ZC3HAV1: variants seen among roughly 807,000 people sequenced by gnomAD.
The protein encoded by ZC3HAV1 is zinc finger CCCH-type antiviral protein 1.
In ZC3HAV1, 41 loss-of-function variants were observed where a neutral mutation model predicts 86.6. The observed-to-expected ratio is 0.47, with a 90% CI of 0.37 to 0.61. The LOEUF (loss-of-function observed/expected upper bound fraction) is 0.61, where lower values mean the gene tolerates loss of function less well. ZC3HAV1 is among the 20% of genes least tolerant of loss of function. The pLI is 0.00. For missense variants in ZC3HAV1, 964 were observed against 1,141.1 expected, an observed-to-expected ratio of 0.84 and a Z score of 2.24; for synonymous variants, 421 against 432.1, an observed-to-expected ratio of 0.97 and a Z score of 0.32.
rs1319891966 is a variant in ZC3HAV1 at position 139,109,158 on chromosome 7, G to A, written c.174C>T (p.Ala58=). 6.3e-7 allele frequency: 1 copy of A among 1,595,540 alleles called. No homozygotes were observed. Among genetic ancestry groups the A allele is most frequent in the Non-Finnish European group, 8.5e-7 (1 of 1,171,352 alleles). ...RFVVLETGGE[A]GITRSVVATT... is the part of the protein sequence containing the mutation. The stretch of plus-strand genomic sequence containing the variant: ...TGGCCACCACCGATCGGGTGATCCC[G>A]GCCTCGCCGCCGGTCTCCAACACCA... The change falls in exon 1 of 13, where the codon GCC becomes GCT. Residue 58 remains alanine, a synonymous_variant. Coordinates refer to ENST00000242351, the MANE Select transcript of ZC3HAV1 (RefSeq NM_020119.4).
chr7:139,072,225 A>G (rs1816794878), intron 7 of ZC3HAV1, among the ~76,000 whole-genome samples: 1 of 151,256 alleles, frequency 6.6e-6, no homozygotes, highest in Non-Finnish European at 1.5e-5. Flanking sequence ...CACTTTTGTC[A>G]CCCAGACTGG....
At chr7:139,056,169 G>C (rs544517511) in intron 9 of ZC3HAV1, among the ~76,000 whole-genome samples, 4 of 152,142 alleles carry the variant, frequency 2.6e-5, no homozygotes, top group Non-Finnish European at 5.9e-5. Flanking sequence ...AATCTGTTTT[G>C]AGACAGAGTT....
intron 4 of ZC3HAV1, chr7:139,079,016 TG>T: frequency 6.7e-7 from 1 of 1,490,972 alleles, no homozygotes; most frequent in Non-Finnish European, 8.9e-7. Context: ...CTTTAAGAAC[TG>T]GGGAACATCC....
At chr7:139,102,004 T>TAAA (rs34657510) in intron 1 of ZC3HAV1, among the ~76,000 whole-genome samples, 7 of 130,406 alleles carry the variant, frequency 5.4e-5, no homozygotes, top group African/African-American at 1.4e-4. Context: ...GAATGATCAA[T>TAAA]AAAAAAAAAA....
chr7:139,061,570 T>A (rs1816444508), intron 8 of ZC3HAV1, among the ~76,000 whole-genome samples: 2 of 152,176 alleles, frequency 1.3e-5, no homozygotes. Context: ...GTCCAAACTG[T>A]AACCAGAGTG....
At chr7:139,096,713 C>T (rs962694202) in intron 1 of ZC3HAV1, among the ~76,000 whole-genome samples, 2 of 152,106 alleles carry the variant, frequency 1.3e-5, no homozygotes, top group Admixed American at 6.5e-5. Context: ...TTACTCACTC[C>T]CTCAAACTCG....
chr7:139,094,665 G>GGGTGCAGTCTAAACAACTA (rs1278107115), intron 1 of ZC3HAV1, among the ~76,000 whole-genome samples: 1 of 151,954 alleles, frequency 6.6e-6, no homozygotes, highest in Non-Finnish European at 1.5e-5. Flanking sequence ...CTCTCACCAC[G>GGGTGCAGTCTAAACAACTA]GGTGCAGTCT....
At chr7:139,068,111 G>A (rs1401472643) in intron 7 of ZC3HAV1, among the ~76,000 whole-genome samples, 1 of 150,700 alleles carries the variant, frequency 6.6e-6, no homozygotes, top group Non-Finnish European at 1.5e-5. Flanking sequence ...CCAGGCTGGA[G>A]TGCAATGGTG....
intron 12 of ZC3HAV1, chr7:139,049,345 A>T (rs1406396765): frequency 6.6e-6 from 1 of 152,062 alleles, no homozygotes; most frequent in Non-Finnish European, 1.5e-5. Context: ...AGCGATGTTG[A>T]GCATTTTTTC....
chr7:139,104,256 C>CA (rs1175664205), intron 1 of ZC3HAV1, among the ~76,000 whole-genome samples: 2 of 146,062 alleles, frequency 1.4e-5, no homozygotes, highest in African/African-American at 5.0e-5. Flanking sequence ...GAAAGACATA[C>CA]AAACAGGAAA....
chr7:139,067,910 T>G (rs753845566), intron 7 of ZC3HAV1, among the ~76,000 whole-genome samples: 14 of 152,000 alleles, frequency 9.2e-5, no homozygotes, highest in Non-Finnish European at 1.0e-4. Context: ...GTTAATTGGG[T>G]GGAGAAGTGT....
chr7:139,108,877 A>C lies in ZC3HAV1; in HGVS notation c.308+147T>G. 1.9e-6 allele frequency: 2 copies of C among 1,054,284 alleles called. No individual in the cohort carries two copies. The highest frequency in any genetic ancestry group is 3.4e-5 in the South Asian group (2 of 58,542). The allele number at this position is 1,054,284 out of a possible 1,614,324, so 65.3% of individuals were successfully genotyped here. On this transcript the variant is annotated intron_variant, in intron 1 of 12. Transcript: ENST00000242351. This position sits in a 1 kb window ranked among gnomAD's most constrained non-coding sequence, Gnocchi z 4.2. ...GCGCGGGCCCTGCAGAGGCTCCCAG[A>C]GGGGAGCAGAGAAGGGAGTGGCTGG...
intron 10 of ZC3HAV1, among the ~76,000 whole-genome samples, chr7:139,054,370 C>A (rs1057356139): frequency 6.6e-6 from 1 of 152,144 alleles, no homozygotes; most frequent in Non-Finnish European, 1.5e-5. Context: ...AGTCCAGTAA[C>A]CTCTTCCCAA....
intron 12 of ZC3HAV1, among the ~76,000 whole-genome samples, chr7:139,050,417 G>T (rs1229399904): frequency 2.0e-5 from 3 of 151,934 alleles, no homozygotes; most frequent in Non-Finnish European, 2.9e-5. Flanking sequence ...ACTGAGGCTG[G>T]AGTGCAGTGG....
At chr7:139,101,822 G>A (rs995870084) in intron 1 of ZC3HAV1, among the ~76,000 whole-genome samples, 1 of 151,880 alleles carries the variant, frequency 6.6e-6, no homozygotes, top group Non-Finnish European at 1.5e-5. Flanking sequence ...GACTCGTTAA[G>A]AGTCATCACC....
chr7:139,104,454 C>G (rs1584877480), intron 1 of ZC3HAV1, among the ~76,000 whole-genome samples: 3 of 152,128 alleles, frequency 2.0e-5, no homozygotes, highest in African/African-American at 7.2e-5. Context: ...TGGCTCACGC[C>G]TGTAATCCCA....
intron 1 of ZC3HAV1, among the ~76,000 whole-genome samples, chr7:139,102,252 G>A (rs1244523742): frequency 6.6e-6 from 1 of 152,132 alleles, no homozygotes; most frequent in East Asian, 1.9e-4. Context: ...TCCCGCCTCA[G>A]CCTCCTGAGT....
At chr7:139,051,014 T>C (rs988122354) in intron 12 of ZC3HAV1, among the ~76,000 whole-genome samples, 3 of 152,100 alleles carry the variant, frequency 2.0e-5, no homozygotes, top group Non-Finnish European at 4.4e-5. Context: ...TCTCTATCCT[T>C]GGGAACACCT....
At chr7:139,083,002 C>T (rs1450217348) in intron 3 of ZC3HAV1, among the ~76,000 whole-genome samples, 3 of 151,984 alleles carry the variant, frequency 2.0e-5, no homozygotes, top group Non-Finnish European at 4.4e-5. Flanking sequence ...TGAGGAGATA[C>T]ATGCTGATAT....
Sources: gnomAD v4.1 joint callset for allele counts (sites outside exome capture counted in the v4.1 genomes callset) on GRCh38, gnomAD v4.1.1 for gene constraint, Gnocchi (gnomAD v3.1) non-coding constraint, MANE v1.5 for transcripts, NCBI Gene and HGNC (gene_info 2026-07-23, HGNC 2026-07-21) for gene names.